Variants in SPDYE1 observed in about 807,000 individuals in gnomAD.
SPDYE1 encodes speedy protein E1.
SPDYE1 carries 29 observed loss-of-function variants against 45.9 expected under a neutral mutation model. The ratio of observed to expected loss-of-function variants is 0.63; its 90% confidence interval spans 0.47 to 0.86. The LOEUF is 0.86. SPDYE1 is among the 40% of genes least tolerant of loss of function. SPDYE1 has a pLI of 0.00. For missense variants in SPDYE1, 346 were observed against 481.4 expected (o/e 0.72, Z 2.63); for synonymous variants, 134 against 176.8 (o/e 0.76, Z 1.92).
chr7:44,005,753 A>G (rs958793228), intron 6 of SPDYE1, among the ~76,000 whole-genome samples: 14 of 152,096 alleles, frequency 9.2e-5, no homozygotes, highest in Non-Finnish European at 5.9e-5. Flanking sequence ...AAAAGGAACC[A>G]TAAACCACTC....
Position 43,999,946 on chromosome 7 carries a change from G to A in SPDYE1, c.-4G>A, listed in dbSNP as rs2096060336. On this transcript the variant is annotated 5_prime_UTR_variant, in exon 2 of 9. Coordinates refer to ENST00000693451, the MANE Select transcript of SPDYE1 (RefSeq NM_001378423.2). ...TGGATCCTAGCAGTGTCCAGAAGAAGGCCATGGACAGAACGGAGACTAGGT... is the reference window on the plus strand; with the variant it reads ...TGGATCCTAGCAGTGTCCAGAAGAAAGCCATGGACAGAACGGAGACTAGGT... 1.0e-6 allele frequency: 1 copy of A among 983,662 alleles called. No homozygotes were observed. Among genetic ancestry groups the A allele is most frequent in the African/African-American group, 1.8e-5 (1 of 56,738 alleles). The allele number at this position is 983,662 out of a possible 1,614,324, so 60.9% of individuals were successfully genotyped here. A position where few individuals can be genotyped will look rare whatever the true frequency, so the allele number is the denominator to read the frequency against.
intron 3 of SPDYE1, 140 bp downstream of exon 3, chr7:44,001,424 T>C: frequency 6.6e-7 from 1 of 1,521,872 alleles, no homozygotes. Context: ...AAGTGATCAC[T>C]CATGAGGGAC....
chr7:44,005,279 G>A (rs537309924), intron 6 of SPDYE1, 52 bp downstream of exon 6: 41 of 1,587,266 alleles, frequency 2.6e-5, no homozygotes, highest in African/African-American at 1.5e-4. Context: ...CTGGGACAGC[G>A]GGGGAAGTGG....
chr7:44,009,608 T>C lies in SPDYE1; in HGVS notation c.*987T>C, dbSNP rs1248526796. ...ATATTATTTTATTTATTTAAATATTTATTAAATATATTTATTTATTTAAAT... is the reference window on the plus strand; with the variant it reads ...ATATTATTTTATTTATTTAAATATTCATTAAATATATTTATTTATTTAAAT... On this transcript the variant is annotated 3_prime_UTR_variant, in exon 9 of 9. Coordinates refer to ENST00000693451, the MANE Select transcript of SPDYE1 (RefSeq NM_001378423.2). The C allele has an allele frequency of 6.7e-6, 1 of 148,456 alleles. No homozygotes were observed. The highest frequency in any genetic ancestry group is 2.4e-5 in the African/African-American group (1 of 40,948). The allele number at this position is 148,456 out of a possible 1,614,324, so 9.2% of individuals were successfully genotyped here.
Position 44,002,720 on chromosome 7 carries a change from G to C in SPDYE1, c.510G>C (p.Trp170Cys). Reference protein sequence around the residue: ...KVLAPEPEEIWVAEMLCGLKM... With the variant: ...KVLAPEPEEICVAEMLCGLKM... ...TCGCCCCTGAGCCTGAGGAGATCTGGGTGGCGGAGATGCTGTGTGGCCTCA... is the reference window on the plus strand; with the variant it reads ...TCGCCCCTGAGCCTGAGGAGATCTGCGTGGCGGAGATGCTGTGTGGCCTCA... The change falls in exon 4 of 9, where the codon TGG becomes TGC. Residue 170 changes from tryptophan (W) to cysteine (C), a missense_variant. Physicochemically the swap from Trp to Cys is radical, Grantham distance 215 (BLOSUM62 -2). This residue lies in a region of SPDYE1 where 141 missense variants were observed against 176.7 expected (regional missense o/e 0.80). Transcript: ENST00000693451. 1.9e-6 allele frequency: 3 copies of C among 1,594,482 alleles called. No homozygotes were observed. Among genetic ancestry groups the C allele is most frequent in the Non-Finnish European group, 2.5e-6 (3 of 1,178,994 alleles).
chr7:44,008,190 C>G (rs888163143), intron 8 of SPDYE1, among the ~76,000 whole-genome samples: 1 of 152,234 alleles, frequency 6.6e-6, no homozygotes, highest in African/African-American at 2.4e-5. Flanking sequence ...CTTTGGTTTA[C>G]ATCTTGTGCA....
intron 3 of SPDYE1, among the ~76,000 whole-genome samples, chr7:44,002,319 CAAAAAAA>C (rs57275170): frequency 5.1e-4 from 22 of 43,340 alleles, no homozygotes; most frequent in South Asian, 1.6e-3. Context: ...ACAACAACAA[CAAAAAAA>C]AAAAAAAAAA....
chr7:44,008,515 G>A (rs571845991), intron 8 of SPDYE1, among the ~76,000 whole-genome samples, 152 bp from the exon 9 acceptor site: 2 of 152,224 alleles, frequency 1.3e-5, no homozygotes, highest in East Asian at 1.9e-4. Flanking sequence ...AGTTGAACAC[G>A]ATGGTTCAGA....
In SPDYE1 at chr7:44,002,827, C is replaced by T; in HGVS notation, c.607+10C>T. The T allele has an allele frequency of 7.1e-7, 1 of 1,410,512 alleles. No individual in the cohort carries two copies. Among genetic ancestry groups the T allele is most frequent in the Non-Finnish European group, 9.5e-7 (1 of 1,055,612 alleles). 87.4% of individuals were successfully genotyped at this position (1,410,512 alleles called of 1,614,324 possible). Reference sequence around the variant, plus strand: ...TTCAACAGGCTGCTTGGTAGGAGGACACCCCAGAGAGCACCTCCAATCCTG... The same window carrying T: ...TTCAACAGGCTGCTTGGTAGGAGGATACCCCAGAGAGCACCTCCAATCCTG... On this transcript the variant is annotated intron_variant, in intron 4 of 8. Coordinates refer to ENST00000693451, the MANE Select transcript of SPDYE1 (RefSeq NM_001378423.2).
chr7:44,001,431 G>A (rs566954067), intron 3 of SPDYE1, 147 bp downstream of exon 3: 4 of 1,518,226 alleles, frequency 2.6e-6, no homozygotes, highest in Non-Finnish European at 3.5e-6. Context: ...CACTCATGAG[G>A]GACACTTAGG....
intron 4 of SPDYE1, among the ~76,000 whole-genome samples, 162 bp from the exon 5 acceptor site, chr7:44,003,691 C>A (rs2096067119): frequency 6.6e-6 from 1 of 150,482 alleles, no homozygotes; most frequent in Non-Finnish European, 1.5e-5. Context: ...AGGAGCCTCT[C>A]TCCCTTGCCC....
intron 3 of SPDYE1, among the ~76,000 whole-genome samples, chr7:44,001,939 CAA>C (rs202109454): frequency 5.8e-4 from 50 of 86,732 alleles, no homozygotes; most frequent in Admixed American, 8.9e-4. Context: ...GACGCTGTCT[CAA>C]AAAAAAAAAA....
intron 6 of SPDYE1, 23 bp downstream of exon 6, chr7:44,005,250 TC>T (rs2096069630): frequency 1.9e-6 from 3 of 1,611,306 alleles, no homozygotes; most frequent in African/African-American, 1.3e-5. Context: ...CTGCCTCCTA[TC>T]CGTCAATATC....
At chr7:44,001,527 G>A (rs2096063024) in intron 3 of SPDYE1, among the ~76,000 whole-genome samples, 2 of 152,094 alleles carry the variant, frequency 1.3e-5, no homozygotes, top group South Asian at 4.1e-4. Context: ...AGTGGCTCAC[G>A]CCTGAGATCC....
intron 2 of SPDYE1, among the ~76,000 whole-genome samples, chr7:44,000,453 G>A (rs529218758): frequency 3.3e-4 from 50 of 150,930 alleles, no homozygotes; most frequent in African/African-American, 1.2e-3. Flanking sequence ...GAAAAGAAGG[G>A]TCAGCGGTCA....
rs529087558 is a variant in SPDYE1 at position 44,007,419 on chromosome 7, C to T, written c.904C>T (p.Arg302Cys). 110 of 1,612,038 alleles carry T rather than the reference C, an allele frequency of 6.8e-5. No individual in the cohort carries two copies. The highest frequency in any genetic ancestry group is 8.5e-5 in the Non-Finnish European group (100 of 1,179,158). Residue 302 changes from arginine (R) to cysteine (C), a missense_variant, in exon 7 of 9, where the codon CGC becomes TGC. Arg to Cys is a radical substitution (Grantham distance 180). This residue lies in a region of SPDYE1 where 186 missense variants were observed against 219.1 expected (regional missense o/e 0.85). Transcript: ENST00000693451. ...CATGAACCCGAGGGCCAGGAAGAACCGCTCTCACATACCCTTGGTCCGTAA... is the reference window on the plus strand; with the variant it reads ...CATGAACCCGAGGGCCAGGAAGAACTGCTCTCACATACCCTTGGTCCGTAA... The part of the protein sequence containing the change: ...RSMNPRARKN[R>C]SHIPLVRKRR...
At chr7:44,000,530 A>G (rs1466625268) in intron 2 of SPDYE1, among the ~76,000 whole-genome samples, 49 of 125,722 alleles carry the variant, frequency 3.9e-4, no homozygotes, top group East Asian at 1.0e-3. Context: ...GGTGGCTCAC[A>G]CCTGTAACCC....
At chr7:44,001,505 C>T (rs1300207748) in intron 3 of SPDYE1, among the ~76,000 whole-genome samples, 1 of 151,988 alleles carries the variant, frequency 6.6e-6, no homozygotes, top group Non-Finnish European at 1.5e-5. Flanking sequence ...AGCTTGGTTT[C>T]GGGCTAGGTG....
intron 5 of SPDYE1, chr7:44,004,565 T>G: frequency 5.3e-6 from 1 of 188,160 alleles, no homozygotes; most frequent in Non-Finnish European, 1.1e-5. Flanking sequence ...CTCACTATGT[T>G]GCCCAGGTTG....
Sources: allele counts gnomAD v4.1 joint callset (sites outside exome capture counted in the v4.1 genomes callset), GRCh38; gene constraint gnomAD v4.1.1; regional missense constraint gnomAD v4.1.1; transcripts MANE v1.5; gene names NCBI Gene and HGNC (gene_info 2026-07-23, HGNC 2026-07-21).